The following ATIC variants were observed in gnomAD, a reference collection of about 807,000 sequenced individuals.
The protein encoded by ATIC is 5-aminoimidazole-4-carboxamide ribonucleotide formyltransferase/IMP cyclohydrolase.
In ATIC, 64 loss-of-function variants were observed where a neutral mutation model predicts 72.5. The ratio of observed to expected loss-of-function variants is 0.88; its 90% confidence interval spans 0.72 to 1.09. The LOEUF (loss-of-function observed/expected upper bound fraction) is 1.09. ATIC is among the 50% of genes least tolerant of loss of function. The probability of loss-of-function intolerance (pLI) is 0.00; values close to 1 mark genes in which losing one functional copy is unlikely to be tolerated. For missense variants in ATIC, 787 were observed against 732.4 expected (o/e 1.07, Z -0.86); for synonymous variants, 281 against 267.1 (o/e 1.05, Z -0.51).
the ATIC span, among the ~76,000 whole-genome samples, chr2:215,364,119 C>T: frequency 6.6e-6 from 1 of 152,212 alleles, no homozygotes; most frequent in Non-Finnish European, 1.5e-5. Flanking sequence ...CCACTTAGAA[C>T]TTAATTAGCT....
the ATIC span, among the ~76,000 whole-genome samples, chr2:215,357,521 A>G: frequency 6.6e-6 from 1 of 152,242 alleles, no homozygotes; most frequent in Non-Finnish European, 1.5e-5. Context: ...AACATGCTTT[A>G]ATATCTCATA....
At chr2:215,361,498 AGTTTAGATG>A in the ATIC span, 2 of 1,224,126 alleles carry the variant, frequency 1.6e-6, no homozygotes, top group Non-Finnish European at 2.4e-6. Flanking sequence ...ACATCACTCC[AGTTTAGATG>A]GATCTTGGCA....
chr2:215,337,453 G>A (rs2052968746), intron 11 of ATIC, among the ~76,000 whole-genome samples: 1 of 152,044 alleles, frequency 6.6e-6, no homozygotes, highest in Non-Finnish European at 1.5e-5. Context: ...TGCAACCTCT[G>A]CCTCCTGAGT....
the ATIC span, chr2:215,363,490 G>T: frequency 6.6e-6 from 1 of 152,328 alleles, no homozygotes; most frequent in African/African-American, 2.4e-5. Context: ...ATCACTGGGG[G>T]TGAAACAAGA....
intron 4 of ATIC, 88 bp downstream of exon 4, chr2:215,319,819 C>T: frequency 1.8e-6 from 2 of 1,112,032 alleles, no homozygotes; most frequent in Non-Finnish European, 2.7e-6. Flanking sequence ...TTCTTACTCA[C>T]TATAAACCTT....
chr2:215,362,107 T>C, the ATIC span: 2 of 1,542,644 alleles, frequency 1.3e-6, no homozygotes, highest in Admixed American at 1.7e-5. Flanking sequence ...TGAAGTCAAA[T>C]GGGGTTTATG....
chr2:215,340,694 G>A (rs1009951190), intron 12 of ATIC, among the ~76,000 whole-genome samples: 1 of 152,136 alleles, frequency 6.6e-6, no homozygotes, highest in African/African-American at 2.4e-5. Context: ...GTCTTTGTGA[G>A]GACTGGTCTG....
intron 3 of ATIC, among the ~76,000 whole-genome samples, chr2:215,319,334 G>A (rs1575113778): frequency 6.6e-6 from 1 of 152,054 alleles, no homozygotes; most frequent in African/African-American, 2.4e-5. Flanking sequence ...GAGCCCAGGA[G>A]TTTAAGATCA....
the ATIC span, chr2:215,364,325 C>T: frequency 3.7e-5 from 1 of 27,208 alleles, no homozygotes; most frequent in Admixed American, 3.0e-4. Context: ...TATTTAACAA[C>T]GTTGCCATGG....
At chr2:215,319,976 T>C (rs193130247) in intron 4 of ATIC, among the ~76,000 whole-genome samples, 7 of 152,334 alleles carry the variant, frequency 4.6e-5, no homozygotes, top group Admixed American at 4.6e-4. Context: ...TCTGAAATGC[T>C]TGGGACCCAG....
intron 12 of ATIC, among the ~76,000 whole-genome samples, chr2:215,341,952 C>T (rs1033921641): frequency 6.6e-6 from 1 of 152,156 alleles, no homozygotes; most frequent in Non-Finnish European, 1.5e-5. Context: ...TGGCAGAAGG[C>T]ACCTCTTCAG....
At chr2:215,334,817 T>C in intron 9 of ATIC, 102 bp from the exon 10 acceptor site, 1 of 907,020 alleles carries the variant, frequency 1.1e-6, no homozygotes, top group Non-Finnish European at 1.8e-6. Flanking sequence ...ACAGTAAGAT[T>C]AGCTTTAGAG....
chr2:215,313,098 C>T (rs1436528563), intron 2 of ATIC, among the ~76,000 whole-genome samples: 1 of 152,122 alleles, frequency 6.6e-6, no homozygotes. Context: ...CCCTGGACAA[C>T]ACACTGGACA....
In ATIC at chr2:215,313,003, A is replaced by G. The variant is rs149313100; in HGVS notation, c.146+379A>G. ...TCCCAGCTACTGGGAAGGCTGAGGC[A>G]GGAGAATCGCTTGAACCTAGGAGGC... On this transcript the variant is annotated intron_variant, in intron 2 of 15. Transcript: ENST00000236959. 3.9e-3 allele frequency among the ~76,000 whole-genome samples: 596 copies of G among 151,934 alleles called. 5 individuals are homozygous for G. Among genetic ancestry groups the G allele is most frequent in the African/African-American group, 0.013 (541 of 41,558 alleles).
At chr2:215,341,176 T>A (rs1200987996) in intron 12 of ATIC, among the ~76,000 whole-genome samples, 2 of 152,246 alleles carry the variant, frequency 1.3e-5, no homozygotes, top group African/African-American at 2.4e-5. Context: ...TTCATTTCTA[T>A]CTTTGACAAT....
In ATIC at chr2:215,328,550, A is replaced by G. The variant is rs558424362; in HGVS notation, c.688+1572A>G. ...CCCAGAATTCTTCCCTCTGCCCTTCACCGTCCTGGTTTCTTGTTATTCAGG... is the reference window on the plus strand; with the variant it reads ...CCCAGAATTCTTCCCTCTGCCCTTCGCCGTCCTGGTTTCTTGTTATTCAGG... On this transcript the variant is annotated intron_variant, in intron 7 of 15. Coordinates refer to ENST00000236959, the MANE Select transcript of ATIC (RefSeq NM_004044.7). Among the ~76,000 whole-genome samples, 497 of 151,910 alleles carry G rather than the reference A, an allele frequency of 3.3e-3. 3 individuals carry two copies. Among genetic ancestry groups the G allele is most frequent in the Non-Finnish European group, 4.7e-3 (317 of 67,930 alleles).
At chr2:215,336,209 A>C in intron 11 of ATIC, 85 bp downstream of exon 11, 3 of 1,021,178 alleles carry the variant, frequency 2.9e-6, no homozygotes, top group African/African-American at 1.6e-5. Context: ...CTTTATACTC[A>C]TACCCTTCTA....
the ATIC span, among the ~76,000 whole-genome samples, chr2:215,357,848 C>CTT: frequency 8.4e-5 from 12 of 143,302 alleles, no homozygotes; most frequent in African/African-American, 2.8e-4. Context: ...CAACAGCGGT[C>CTT]TTTTTTTTTT....
At chr2:215,362,077 G>A in the ATIC span, 1 of 1,612,972 alleles carries the variant, frequency 6.2e-7, no homozygotes, top group Non-Finnish European at 8.5e-7. Context: ...CACAGCGCCA[G>A]CCCTGAGAGA....
Sources: allele counts gnomAD v4.1 joint callset (sites outside exome capture counted in the v4.1 genomes callset), GRCh38; gene constraint gnomAD v4.1.1; transcripts MANE v1.5; gene names NCBI Gene and HGNC (gene_info 2026-07-23, HGNC 2026-07-21).